The following ROBO2 variants were observed in gnomAD, a reference collection of about 807,000 sequenced individuals.
The protein encoded by ROBO2 is roundabout homolog 2.
A neutral mutation model predicts 160.8 loss-of-function variants in ROBO2; 53 were observed. The observed-to-expected ratio is 0.33, with a 90% CI of 0.26 to 0.41. The LOEUF is 0.41. Among genes scored for constraint, ROBO2 ranks in the 10% least tolerant of loss-of-function variants. The pLI, the probability that ROBO2 is intolerant of heterozygous loss-of-function variation, is 1.00. For missense variants in ROBO2, 1,577 were observed against 1,722.4 expected, an observed-to-expected ratio of 0.92 and a Z score of 1.49; for synonymous variants, 664 against 611.7, an observed-to-expected ratio of 1.09 and a Z score of -1.26.
intron 2 of ROBO2, among the ~76,000 whole-genome samples, chr3:77,150,722 T>A (rs544772285): frequency 1.1e-3 from 171 of 150,828 alleles, no homozygotes; most frequent in Middle Eastern, 3.4e-3. Flanking sequence ...AATATTGGAA[T>A]GAGAAGCCTT....
chr3:76,745,032 C>G (rs1033127230), intron 2 of ROBO2, among the ~76,000 whole-genome samples: 4 of 152,102 alleles, frequency 2.6e-5, no homozygotes, highest in Non-Finnish European at 5.9e-5. Context: ...GTAAAATTGT[C>G]CCTTGCCTTT....
chr3:77,382,558 C>T (rs921215907), intron 2 of ROBO2, among the ~76,000 whole-genome samples: 1 of 152,034 alleles, frequency 6.6e-6, no homozygotes, highest in Non-Finnish European at 1.5e-5. Context: ...TTCTCCTTCA[C>T]CCCCTTCCCA....
chr3:76,198,242 C>A (rs1169860072), intron 2 of ROBO2, among the ~76,000 whole-genome samples: 1 of 150,806 alleles, frequency 6.6e-6, no homozygotes, highest in Admixed American at 6.6e-5. Context: ...ATCCGACATA[C>A]CTCATCACAC....
chr3:76,907,898 G>A (rs1385343747), intron 2 of ROBO2, among the ~76,000 whole-genome samples: 1 of 150,592 alleles, frequency 6.6e-6, no homozygotes, highest in South Asian at 2.1e-4. Flanking sequence ...GCAGTGCACT[G>A]GCACGACCTC....
At chr3:75,949,227 T>C (rs1455487091) in intron 2 of ROBO2, among the ~76,000 whole-genome samples, 2 of 152,104 alleles carry the variant, frequency 1.3e-5, no homozygotes, top group African/African-American at 4.8e-5. Flanking sequence ...TCCTTGTCAC[T>C]CACCATTTCT....
intron 2 of ROBO2, among the ~76,000 whole-genome samples, chr3:76,249,166 A>T (rs1705824398): frequency 6.6e-6 from 1 of 152,106 alleles, no homozygotes; most frequent in Non-Finnish European, 1.5e-5. Flanking sequence ...ATATTAAGAG[A>T]CAACTTGTTA....
intron 2 of ROBO2, among the ~76,000 whole-genome samples, chr3:77,454,367 A>C (rs1343273274): frequency 6.6e-6 from 1 of 152,098 alleles, no homozygotes; most frequent in Non-Finnish European, 1.5e-5. Flanking sequence ...ACACATTTCC[A>C]CTGTCGTAGT....
At chr3:76,184,542 G>GAGATAGATAGATAGAT (rs78271272) in intron 2 of ROBO2, among the ~76,000 whole-genome samples, 11 of 146,284 alleles carry the variant, frequency 7.5e-5, no homozygotes, top group Admixed American at 1.4e-4. Flanking sequence ...GAACAAATAG[G>GAGATAGATAGATAGAT]AGATAGATAG....
At chr3:76,267,669 A>G (rs1030461221) in intron 2 of ROBO2, among the ~76,000 whole-genome samples, 1 of 152,176 alleles carries the variant, frequency 6.6e-6, no homozygotes, top group Non-Finnish European at 1.5e-5. Flanking sequence ...ATCAATAGTT[A>G]TTTTAAATTC....
chr3:77,161,639 T>C (rs967506199), intron 2 of ROBO2, among the ~76,000 whole-genome samples: 1 of 152,218 alleles, frequency 6.6e-6, no homozygotes, highest in Non-Finnish European at 1.5e-5. Flanking sequence ...TATTTTTTGC[T>C]TATTATAAGA....
intron 6 of ROBO2, among the ~76,000 whole-genome samples, chr3:77,532,239 T>TA (rs1282860187): frequency 5.9e-5 from 9 of 151,906 alleles, no homozygotes; most frequent in African/African-American, 2.2e-4. Flanking sequence ...CAGAACTTGG[T>TA]AAAAATGTCC....
At chr3:76,233,776 C>A (rs1704767785) in intron 2 of ROBO2, among the ~76,000 whole-genome samples, 1 of 152,194 alleles carries the variant, frequency 6.6e-6, no homozygotes, top group Non-Finnish European at 1.5e-5. Context: ...TCAAACAATT[C>A]ATAAACGTAC....
chr3:77,496,995 T>G (rs2086876445), intron 5 of ROBO2, among the ~76,000 whole-genome samples: 1 of 152,154 alleles, frequency 6.6e-6, no homozygotes, highest in Non-Finnish European at 1.5e-5. Context: ...AAACATTTTC[T>G]GAAAAGATGA....
At chr3:77,026,973 G>C (rs563489725) in intron 2 of ROBO2, among the ~76,000 whole-genome samples, 1 of 152,248 alleles carries the variant, frequency 6.6e-6, no homozygotes, top group Admixed American at 6.5e-5. Context: ...AAAGCAACAG[G>C]TTTTTAGAAG....
chr3:76,754,084 A>G (rs904109109), intron 2 of ROBO2, among the ~76,000 whole-genome samples: 9 of 151,926 alleles, frequency 5.9e-5, no homozygotes, highest in Non-Finnish European at 1.0e-4. Context: ...CTGTATATTC[A>G]AAAGATAAAC....
chr3:77,385,528 C>T (rs372969476), intron 2 of ROBO2, among the ~76,000 whole-genome samples: 20 of 152,100 alleles, frequency 1.3e-4, no homozygotes, highest in African/African-American at 4.8e-4. Flanking sequence ...AGATAAATAA[C>T]TTTGAAACAG....
intron 2 of ROBO2, among the ~76,000 whole-genome samples, chr3:77,362,320 G>A (rs2153469181): frequency 6.6e-6 from 1 of 152,248 alleles, no homozygotes; most frequent in Non-Finnish European, 1.5e-5. Context: ...TAGCCAAGAA[G>A]TAGAGTGGGG....
intron 5 of ROBO2, among the ~76,000 whole-genome samples, chr3:77,499,277 T>G (rs1172139487): frequency 6.6e-6 from 1 of 152,224 alleles, no homozygotes; most frequent in Non-Finnish European, 1.5e-5. Context: ...AGAAGCTATT[T>G]AAACTCTATG....
intron 2 of ROBO2, among the ~76,000 whole-genome samples, chr3:76,334,469 C>T (rs1346255675): frequency 2.6e-5 from 4 of 152,130 alleles, no homozygotes; most frequent in African/African-American, 7.2e-5. Context: ...GAGAGAAAGA[C>T]ATCTCAAGTT....
Sources: gnomAD v4.1 joint callset for allele counts (sites outside exome capture counted in the v4.1 genomes callset) on GRCh38, gnomAD v4.1.1 for gene constraint, MANE v1.5 for transcripts, NCBI Gene and HGNC (gene_info 2026-07-23, HGNC 2026-07-21) for gene names.